Variants in CTIF observed in about 807,000 individuals in gnomAD.
CTIF encodes the protein cap binding complex dependent translation initiation factor, also known as CBP80/20-dependent translation initiation factor.
In CTIF, 21 loss-of-function variants were observed where a neutral mutation model predicts 66.0. The ratio of observed to expected loss-of-function variants is 0.32; its 90% CI spans 0.23 to 0.46. CTIF has a LOEUF of 0.46. CTIF is among the 20% of genes least tolerant of loss of function. The pLI, the probability that CTIF is intolerant of heterozygous loss-of-function variation, is 1.00. For synonymous variants in CTIF, 345 were observed against 326.4 expected (o/e 1.06, Z -0.62); for missense variants, 739 against 812.7 (o/e 0.91, Z 1.10).
intron 11 of CTIF, among the ~76,000 whole-genome samples, chr18:48,858,782 T>A (rs60151361): frequency 6.6e-6 from 1 of 152,048 alleles, no homozygotes; most frequent in African/African-American, 2.4e-5. Flanking sequence ...CCCCACTTCC[T>A]GTCACAAGCA....
At chr18:48,851,470 C>A (rs896477781) in intron 10 of CTIF, among the ~76,000 whole-genome samples, 1 of 152,206 alleles carries the variant, frequency 6.6e-6, no homozygotes, top group African/African-American at 2.4e-5. Flanking sequence ...CAGCGTCTCC[C>A]TCTCTCCTCG....
intron 9 of CTIF, among the ~76,000 whole-genome samples, chr18:48,793,287 C>T (rs1302891382): frequency 6.6e-6 from 1 of 152,216 alleles, no homozygotes; most frequent in Non-Finnish European, 1.5e-5. Context: ...CCCACCCCCT[C>T]TAAGTCTCTT....
intron 8 of CTIF, chr18:48,760,911 C>G (rs1402986689): frequency 6.4e-6 from 1 of 155,648 alleles, no homozygotes; most frequent in Admixed American, 6.3e-5. Flanking sequence ...GCATTTGGAG[C>G]TGAGGGTGTA....
chr18:48,553,509 A>G lies in CTIF; in HGVS notation c.-29+14197A>G, dbSNP rs527672966. 1.1e-3 allele frequency among the ~76,000 whole-genome samples: 165 copies of G among 152,232 alleles called. 3 individuals are homozygous for G. Among genetic ancestry groups the G allele is most frequent in the Middle Eastern group, 3.4e-3 (1 of 294 alleles). Reference sequence around the variant, plus strand: ...TGTAACCAGGGCAGTCAGAACAAGGATTGTTAACCTGCAGCCGCCCAGCTC... The same window carrying G: ...TGTAACCAGGGCAGTCAGAACAAGGGTTGTTAACCTGCAGCCGCCCAGCTC... On this transcript the variant is annotated intron_variant, in intron 1 of 11. Coordinates refer to ENST00000256413, the MANE Select transcript of CTIF (RefSeq NM_014772.3).
intron 2 of CTIF, among the ~76,000 whole-genome samples, chr18:48,626,280 C>G: frequency 6.6e-6 from 1 of 152,116 alleles, no homozygotes; most frequent in African/African-American, 2.4e-5. Context: ...GGATTACAGG[C>G]GTGAGCCACC....
chr18:48,727,120 AT>A (rs753280811), intron 7 of CTIF, among the ~76,000 whole-genome samples: 5 of 151,160 alleles, frequency 3.3e-5, no homozygotes, highest in Non-Finnish European at 7.4e-5. Flanking sequence ...CCAACATACA[AT>A]TGTGGGACAG....
intron 7 of CTIF, among the ~76,000 whole-genome samples, chr18:48,725,462 C>T (rs1444817594): frequency 1.3e-5 from 2 of 152,154 alleles, no homozygotes; most frequent in African/African-American, 4.8e-5. Context: ...GAGACAGCCC[C>T]GGTGTATTTT....
intron 10 of CTIF, among the ~76,000 whole-genome samples, chr18:48,837,811 T>C (rs1427005444): frequency 6.6e-6 from 1 of 152,024 alleles, no homozygotes. Flanking sequence ...TGCATCCCTC[T>C]CCCTGCTCCC....
intron 10 of CTIF, among the ~76,000 whole-genome samples, chr18:48,840,299 C>A (rs556817069): frequency 1.3e-5 from 2 of 152,284 alleles, no homozygotes; most frequent in African/African-American, 4.8e-5. Context: ...GACTGTAGGG[C>A]CCAGAGCAGA....
rs531679415 is a variant in CTIF at position 48,637,397 on chromosome 18, C to T, written c.252+712C>T. On this transcript the variant is annotated intron_variant, in intron 3 of 11. Transcript: ENST00000256413. ...CTCACTGATACCTCATCCCTGCCTG[C>T]AGGAGCCTGTGGGATTAGAGGCTGA... is the stretch of plus-strand genomic sequence containing the variant. Among the ~76,000 whole-genome samples, 6 of 152,272 alleles carry T rather than the reference C, an allele frequency of 3.9e-5. No individual in the cohort carries two copies. In the East Asian group the frequency reaches 7.7e-4, roughly 20 times the overall value.
rs186291950 is a variant in CTIF, at chr18:48,786,807, G to A, written c.1371+25118G>A. On this transcript the variant is annotated intron_variant, in intron 9 of 11. Transcript: ENST00000256413. ...CCTCTTTGGCCTCACCCCAGCCCAG[G>A]GGTCCTTCCTCCTCTCCCACCATGG... Among the ~76,000 whole-genome samples, 895 of 152,168 alleles carry A rather than the reference G, an allele frequency of 5.9e-3. 14 individuals carry two copies. Among genetic ancestry groups the A allele is most frequent in the Non-Finnish European group, 8.3e-3 (565 of 68,004 alleles).
At chr18:48,817,465 G>C in intron 10 of CTIF, 89 bp downstream of exon 10, 1 of 1,474,942 alleles carries the variant, frequency 6.8e-7, no homozygotes, top group Non-Finnish European at 9.1e-7. Flanking sequence ...AGCTGTGAGG[G>C]TAGGCTCACT....
chr18:48,697,214 A>G (rs1326698840), intron 6 of CTIF, among the ~76,000 whole-genome samples: 1 of 152,244 alleles, frequency 6.6e-6, no homozygotes, highest in Admixed American at 6.5e-5. Context: ...ATGGAGGCTC[A>G]TGGTATCTAA....
chr18:48,770,881 C>T (rs1368696931), intron 9 of CTIF, among the ~76,000 whole-genome samples: 1 of 152,222 alleles, frequency 6.6e-6, no homozygotes, highest in Non-Finnish European at 1.5e-5. Context: ...CGGATGGCTC[C>T]ATCAGTGTGG....
chr18:48,779,540 A>C (rs1477233294), intron 9 of CTIF, among the ~76,000 whole-genome samples: 2 of 152,202 alleles, frequency 1.3e-5, no homozygotes, highest in African/African-American at 4.8e-5. Flanking sequence ...GATAAGAAAC[A>C]TGCCATTTAG....
chr18:48,828,584 A>T (rs2146425470), intron 10 of CTIF, among the ~76,000 whole-genome samples: 1 of 152,314 alleles, frequency 6.6e-6, no homozygotes, highest in Admixed American at 6.5e-5. Flanking sequence ...AAACAATTTA[A>T]ATTCACAAAA....
chr18:48,862,718 G>C lies in CTIF; in HGVS notation c.*3159G>C, dbSNP rs770230345. 6.6e-6 allele frequency: 1 copy of C among 152,442 alleles called. No homozygotes were observed. Among genetic ancestry groups the C allele is most frequent in the Non-Finnish European group, 1.5e-5 (1 of 68,044 alleles). 9.4% of individuals were successfully genotyped at this position (152,442 alleles called of 1,614,324 possible). ...GATGAGGGTGGGGGGTGTGGGAAGG[G>C]TACCACAGATCAGGCCGGGGCAGCT... On this transcript the variant is annotated 3_prime_UTR_variant, in exon 12 of 12. Transcript: ENST00000256413.
At position 48,579,054 on chromosome 18, in the gene CTIF, T is replaced by C. The variant is rs554628067; in HGVS notation, c.-29+39742T>C. 2.9e-5 allele frequency among the ~76,000 whole-genome samples: 4 copies of C among 137,970 alleles called. No homozygotes were observed. The South Asian group carries it at 8.2e-4, about 28-fold the overall frequency. The allele number at this position is 137,970 out of a possible 152,430, so 90.5% of individuals were successfully genotyped here. The stretch of plus-strand genomic sequence containing the variant: ...GAGCTAGAGGTTCAGCTTCATTGTT[T>C]TGTTTCATTTTGTTAGAGACAGTGT... On this transcript the variant is annotated intron_variant, in intron 1 of 11. Coordinates refer to ENST00000256413, the MANE Select transcript of CTIF (RefSeq NM_014772.3).
intron 9 of CTIF, among the ~76,000 whole-genome samples, chr18:48,816,116 TAGGTG>T: frequency 6.6e-6 from 1 of 152,252 alleles, no homozygotes; most frequent in Middle Eastern, 3.4e-3. Flanking sequence ...AGGCTAGACT[TAGGTG>T]AGGCCCTGTC....
Sources: gnomAD v4.1 joint callset for allele counts (sites outside exome capture counted in the v4.1 genomes callset) on GRCh38, gnomAD v4.1.1 for gene constraint, MANE v1.5 for transcripts, NCBI Gene and HGNC (gene_info 2026-07-23, HGNC 2026-07-21) for gene names.